The following LINGO2 variants were observed in gnomAD, a reference collection of about 807,000 sequenced individuals.
LINGO2 encodes leucine-rich repeat and immunoglobulin-like domain-containing nogo receptor-interacting protein 2.
LINGO2 carries 14 observed loss-of-function variants against 30.6 expected under a neutral mutation model. The observed-to-expected ratio is 0.46, with a 90% CI of 0.30 to 0.72. The LOEUF (loss-of-function observed/expected upper bound fraction) is 0.72. LINGO2 is among the 30% of genes least tolerant of loss of function. The probability of loss-of-function intolerance (pLI) is 0.07; values close to 1 mark genes in which losing one functional copy is unlikely to be tolerated. For missense variants in LINGO2, 729 were observed against 751.7 expected (o/e 0.97, Z 0.35); for synonymous variants, 317 against 288.5 (o/e 1.10, Z -1.00).
intron 4 of LINGO2, among the ~76,000 whole-genome samples, chr9:28,272,058 G>A (rs1025565661): frequency 6.6e-6 from 1 of 152,136 alleles, no homozygotes; most frequent in Non-Finnish European, 1.5e-5. Flanking sequence ...GACCTTTCCT[G>A]CATCCTTACT....
chr9:28,769,506 ATATATATATATATTTTTTTTTT>A, the LINGO2 span, among the ~76,000 whole-genome samples: 17 of 2,876 alleles, frequency 5.9e-3, 3 homozygotes, highest in African/African-American at 0.016. Context: ...ATATATATAT[ATATATATATATATTTTTTTTTT>A]TTTTTTTTTT....
chr9:28,799,374 A>T, the LINGO2 span, among the ~76,000 whole-genome samples: 5 of 152,122 alleles, frequency 3.3e-5, no homozygotes, highest in Admixed American at 1.3e-4. Flanking sequence ...GGCCAGTGAT[A>T]TGAAGGGGTG....
chr9:27,971,783 C>A lies in LINGO2; in HGVS notation c.-35-21077G>T, dbSNP rs1587577907. 2.6e-5 allele frequency among the ~76,000 whole-genome samples: 4 copies of A among 152,232 alleles called. No homozygotes were observed. In the South Asian group the frequency reaches 8.3e-4, roughly 32 times the overall value. On this transcript the variant is annotated intron_variant, in intron 5 of 5. Transcript: ENST00000379992. ...GGTTTGTTTATAAGGCCTTTGGGGA[C>A]AGATTTCAATGGCATCTCTTAGAAA... is the stretch of plus-strand genomic sequence containing the variant.
intron 1 of LINGO2, among the ~76,000 whole-genome samples, chr9:28,548,652 C>T (rs908673384): frequency 2.4e-5 from 3 of 126,840 alleles, no homozygotes; most frequent in Non-Finnish European, 4.7e-5. Flanking sequence ...TGCACTGAGC[C>T]GAGATTGAGC....
At chr9:28,516,024 C>T (rs1025621632) in intron 1 of LINGO2, among the ~76,000 whole-genome samples, 5 of 152,222 alleles carry the variant, frequency 3.3e-5, no homozygotes, top group Admixed American at 1.3e-4. Context: ...AGCAAAAGGA[C>T]TGTGACTTGT....
chr9:28,421,491 A>AAG (rs1303621126), intron 2 of LINGO2, among the ~76,000 whole-genome samples: 1 of 151,746 alleles, frequency 6.6e-6, no homozygotes, highest in East Asian at 1.9e-4. Flanking sequence ...CGTCTTGAAA[A>AAG]AAAAAACAAA....
At chr9:28,463,129 T>G (rs1825150717) in intron 2 of LINGO2, among the ~76,000 whole-genome samples, 1 of 152,024 alleles carries the variant, frequency 6.6e-6, no homozygotes, top group Non-Finnish European at 1.5e-5. Context: ...GTTTCTTGGT[T>G]TGGGCAACAA....
chr9:28,662,425 T>C (rs1588041855), intron 1 of LINGO2, among the ~76,000 whole-genome samples: 1 of 152,284 alleles, frequency 6.6e-6, no homozygotes, highest in East Asian at 1.9e-4. Context: ...TTTACCCACC[T>C]TTACAGTCCC....
the LINGO2 span, among the ~76,000 whole-genome samples, chr9:28,974,895 C>A: frequency 6.6e-6 from 1 of 151,866 alleles, no homozygotes; most frequent in African/African-American, 2.4e-5. Flanking sequence ...AATAACGGAG[C>A]CAGAATTGGT....
At chr9:29,044,639 T>A in the LINGO2 span, among the ~76,000 whole-genome samples, 5 of 152,008 alleles carry the variant, frequency 3.3e-5, no homozygotes, top group African/African-American at 4.8e-5. Flanking sequence ...TTGAATGAGG[T>A]TAGTCTTTAC....
At chr9:28,910,730 G>A in the LINGO2 span, among the ~76,000 whole-genome samples, 1 of 151,978 alleles carries the variant, frequency 6.6e-6, no homozygotes, top group Non-Finnish European at 1.5e-5. Context: ...AGCCTGTACA[G>A]CCTGAAGAAC....
chr9:28,029,342 G>A lies in LINGO2; in HGVS notation c.-86-16937C>T, dbSNP rs146710466. 5.8e-3 allele frequency among the ~76,000 whole-genome samples: 879 copies of A among 152,208 alleles called. 9 individuals are homozygous for A. Among genetic ancestry groups the A allele is most frequent in the African/African-American group, 0.013 (548 of 41,554 alleles). On this transcript the variant is annotated intron_variant, in intron 4 of 5. Transcript: ENST00000379992. Reference sequence around the variant, plus strand: ...AACAAGCATCCCACTGTTCTGCTGCGTTTGATCTGTGGCCAATATATTGAC... The same window carrying A: ...AACAAGCATCCCACTGTTCTGCTGCATTTGATCTGTGGCCAATATATTGAC...
intron 1 of LINGO2, among the ~76,000 whole-genome samples, chr9:28,561,622 T>C (rs548535516): frequency 6.4e-5 from 8 of 125,972 alleles, no homozygotes; most frequent in Non-Finnish European, 1.2e-4. Flanking sequence ...ATGTATAATA[T>C]ATATAAATTA....
chr9:28,216,925 A>G (rs1820787329), intron 4 of LINGO2, among the ~76,000 whole-genome samples: 1 of 151,858 alleles, frequency 6.6e-6, no homozygotes. Context: ...TCTTGCGCAC[A>G]TGAAATTTCA....
intron 1 of LINGO2, among the ~76,000 whole-genome samples, chr9:28,526,700 G>C (rs552938070): frequency 1.3e-5 from 2 of 152,142 alleles, no homozygotes; most frequent in East Asian, 3.9e-4. Context: ...ACCCACCACT[G>C]TGTATAGATA....
the LINGO2 span, among the ~76,000 whole-genome samples, chr9:28,938,808 C>T: frequency 6.6e-6 from 1 of 152,112 alleles, no homozygotes; most frequent in African/African-American, 2.4e-5. Flanking sequence ...GTATCCCTGT[C>T]TGTAAGTGAT....
At chr9:29,198,476 A>T in the LINGO2 span, among the ~76,000 whole-genome samples, 2 of 152,254 alleles carry the variant, frequency 1.3e-5, no homozygotes, top group Admixed American at 1.3e-4. Flanking sequence ...CTTCAGGGAG[A>T]CTGCTTCAGA....
At chr9:28,449,197 G>A (rs1022434253) in intron 2 of LINGO2, among the ~76,000 whole-genome samples, 1 of 152,012 alleles carries the variant, frequency 6.6e-6, no homozygotes, top group African/African-American at 2.4e-5. Flanking sequence ...TGATGCTGTT[G>A]TTGGATTTTG....
chr9:29,085,281 TAAAAAAA>T, the LINGO2 span, among the ~76,000 whole-genome samples: 1,201 of 76,960 alleles, frequency 0.016, 28 homozygotes, highest in African/African-American at 0.049. Flanking sequence ...CTATGGTAAG[TAAAAAAA>T]AAAAAAAAAA....
Sources: gnomAD v4.1 joint callset for allele counts (sites outside exome capture counted in the v4.1 genomes callset) on GRCh38, gnomAD v4.1.1 for gene constraint, MANE v1.5 for transcripts, NCBI Gene and HGNC (gene_info 2026-07-23, HGNC 2026-07-21) for gene names.